Variants in ADGRG6 observed in about 807,000 individuals in gnomAD.
ADGRG6 encodes adhesion G protein-coupled receptor G6.
ADGRG6 carries 84 observed loss-of-function variants against 142.4 expected under a neutral mutation model. The ratio of observed to expected loss-of-function variants is 0.59; its 90% CI spans 0.49 to 0.71. ADGRG6 has a LOEUF of 0.71. ADGRG6 is among the 30% of genes least tolerant of loss of function. The pLI is 0.00. For synonymous variants in ADGRG6, 521 were observed against 520.5 expected (o/e 1.00, Z -0.01); for missense variants, 1,367 against 1,466.6 (o/e 0.93, Z 1.11).
At position 142,318,062 on chromosome 6, in the gene ADGRG6, TTA is replaced by T. The variant is rs1165015390; in HGVS notation, c.103+8426_103+8427del. 2.5e-3 allele frequency among the ~76,000 whole-genome samples: 117 copies of T among 47,488 alleles called. 3 individuals are homozygous for T. The highest frequency in any genetic ancestry group is 6.7e-3 in the East Asian group (6 of 900). 31.2% of individuals were successfully genotyped at this position (47,488 alleles called of 152,430 possible). A position where few individuals can be genotyped will look rare whatever the true frequency, so the allele number is the denominator to read the frequency against. ...TATATTTATGTTATATATATTTATATTATATATATTTATATATTATATATTTA... is the reference window on the plus strand; with the variant it reads ...TATATTTATGTTATATATATTTATATTATATATTTATATATTATATATTTA... On this transcript the variant is annotated intron_variant, in intron 2 of 24. Coordinates refer to ENST00000367609, the MANE Select transcript of ADGRG6 (RefSeq NM_198569.3).
chr6:142,354,826 A>G (rs1780365495), intron 2 of ADGRG6, among the ~76,000 whole-genome samples: 1 of 152,250 alleles, frequency 6.6e-6, no homozygotes, highest in African/African-American at 2.4e-5. Context: ...GCATAATGGA[A>G]CTAACAGTTC....
chr6:142,432,728 C>A (rs1777272217), intron 22 of ADGRG6, among the ~76,000 whole-genome samples: 1 of 152,198 alleles, frequency 6.6e-6, no homozygotes, highest in Non-Finnish European at 1.5e-5. Context: ...ACTTTATCCT[C>A]TCTGGCTGTG....
chr6:142,341,399 TATA>T (rs1779612244), intron 2 of ADGRG6, among the ~76,000 whole-genome samples: 1 of 123,668 alleles, frequency 8.1e-6, no homozygotes, highest in Non-Finnish European at 1.6e-5. Flanking sequence ...TATTATATTA[TATA>T]ATATATTATA....
intron 1 of ADGRG6, 108 bp downstream of exon 1, chr6:142,302,439 A>G: frequency 8.6e-7 from 1 of 1,166,784 alleles, no homozygotes; most frequent in Non-Finnish European, 1.2e-6. Context: ...TTTTATAAGG[A>G]CTTCAACTGC....
At chr6:142,351,316 T>A (rs1447300714) in intron 2 of ADGRG6, among the ~76,000 whole-genome samples, 1 of 152,106 alleles carries the variant, frequency 6.6e-6, no homozygotes, top group African/African-American at 2.4e-5. Flanking sequence ...ACTACAAGGC[T>A]ACAGTAACCA....
chr6:142,315,820 CAAATAAATAAATAAATAAATAAAT>C (rs10609669), intron 2 of ADGRG6, among the ~76,000 whole-genome samples: 2 of 139,132 alleles, frequency 1.4e-5, no homozygotes, highest in East Asian at 2.1e-4. Context: ...AACTACATCT[CAAATAAATAAATAAATAAATAAAT>C]AAATAAATAA....
intron 2 of ADGRG6, among the ~76,000 whole-genome samples, chr6:142,323,917 C>G (rs1488525995): frequency 1.3e-5 from 2 of 151,984 alleles, no homozygotes; most frequent in Non-Finnish European, 2.9e-5. Flanking sequence ...CATATTTTAT[C>G]TTTTATACCA....
intron 2 of ADGRG6, among the ~76,000 whole-genome samples, chr6:142,343,542 T>C (rs1234579603): frequency 6.6e-6 from 1 of 151,908 alleles, no homozygotes; most frequent in African/African-American, 2.4e-5. Context: ...GATACATCTT[T>C]TATTAAATCT....
intron 2 of ADGRG6, among the ~76,000 whole-genome samples, chr6:142,329,760 C>T (rs1778949296): frequency 6.6e-6 from 1 of 152,126 alleles, no homozygotes; most frequent in Admixed American, 6.6e-5. Context: ...TGTACAAATA[C>T]TTCAGTAGCT....
Position 142,391,434 on chromosome 6 carries a change from T to TACACACACACAC in ADGRG6, c.1308+1125_1308+1136dup, listed in dbSNP as rs35253608. The stretch of plus-strand genomic sequence containing the variant: ...TTACGCATTGAGAGGAAGTGGTAGC[T>TACACACACACAC]ACACACACACACACACACACACACA... On this transcript the variant is annotated intron_variant, in intron 7 of 24. Transcript: ENST00000367609. Among the ~76,000 whole-genome samples, 410 of 132,444 alleles carry TACACACACACAC rather than the reference T, an allele frequency of 3.1e-3. 3 individuals are homozygous for TACACACACACAC. Among genetic ancestry groups the TACACACACACAC allele is most frequent in the African/African-American group, 0.01 (385 of 36,856 alleles). The allele number at this position is 132,444 out of a possible 152,430, so 86.9% of individuals were successfully genotyped here. A position where few individuals can be genotyped will look rare whatever the true frequency, so the allele number is the denominator to read the frequency against.
intron 2 of ADGRG6, among the ~76,000 whole-genome samples, chr6:142,364,799 A>C (rs531089978): frequency 3.9e-5 from 6 of 152,276 alleles, no homozygotes; most frequent in African/African-American, 1.4e-4. Context: ...GCTTGAGCCC[A>C]GTAGTTTGAG....
At chr6:142,431,706 CGAGCTCAG>C (rs1453646456) in intron 22 of ADGRG6, among the ~76,000 whole-genome samples, 2 of 151,974 alleles carry the variant, frequency 1.3e-5, no homozygotes, top group Non-Finnish European at 2.9e-5. Context: ...GAGCAGATCA[CGAGCTCAG>C]GAGTTTGAGA....
chr6:142,318,142 A>C (rs866756891), intron 2 of ADGRG6, among the ~76,000 whole-genome samples: 1 of 28,290 alleles, frequency 3.5e-5, no homozygotes, highest in Non-Finnish European at 5.8e-5. Context: ...TATTTATATA[A>C]TATATATTAT....
At chr6:142,435,807 TGA>T (rs1252758836) in intron 22 of ADGRG6, among the ~76,000 whole-genome samples, 4 of 151,692 alleles carry the variant, frequency 2.6e-5, no homozygotes, top group African/African-American at 7.3e-5. Flanking sequence ...TGAAAGGGAG[TGA>T]CTAAAGGTTA....
intron 16 of ADGRG6, among the ~76,000 whole-genome samples, chr6:142,408,796 G>A (rs1775940730): frequency 6.6e-6 from 1 of 151,956 alleles, no homozygotes; most frequent in Non-Finnish European, 1.5e-5. Flanking sequence ...TGTCCCAGAT[G>A]GCCCAAGAAC....
intron 14 of ADGRG6, 116 bp downstream of exon 14, chr6:142,404,089 G>C: frequency 1.3e-6 from 1 of 765,848 alleles, no homozygotes; most frequent in Non-Finnish European, 2.2e-6. Context: ...GGCAAGGTCT[G>C]AATGTTGGCT....
intron 4 of ADGRG6, among the ~76,000 whole-genome samples, chr6:142,378,531 T>C (rs1460825820): frequency 1.3e-5 from 2 of 152,206 alleles, no homozygotes; most frequent in East Asian, 3.8e-4. Context: ...TGCAAGGGAA[T>C]AATGGGCAAA....
At chr6:142,321,056 T>C (rs1778489178) in intron 2 of ADGRG6, among the ~76,000 whole-genome samples, 1 of 151,642 alleles carries the variant, frequency 6.6e-6, no homozygotes, top group Non-Finnish European at 1.5e-5. Flanking sequence ...TTATGGAATA[T>C]TTACATTATG....
rs115180133 is a variant in ADGRG6 at position 142,333,933 on chromosome 6, A to T, written c.103+24289A>T. ...GTCTCTAATCCTATGGCTTGTCCAC[A>T]CTGTCATTGCTCTTAATTCAAATAT... is the stretch of plus-strand genomic sequence containing the variant. On this transcript the variant is annotated intron_variant, in intron 2 of 24. Transcript: ENST00000367609. 1.3e-3 allele frequency among the ~76,000 whole-genome samples: 204 copies of T among 152,284 alleles called. 2 individuals are homozygous for T. The highest frequency in any genetic ancestry group is 4.6e-3 in the African/African-American group (192 of 41,544).
Sources: gnomAD v4.1 joint callset for allele counts (sites outside exome capture counted in the v4.1 genomes callset) on GRCh38, gnomAD v4.1.1 for gene constraint, MANE v1.5 for transcripts, NCBI Gene and HGNC (gene_info 2026-07-23, HGNC 2026-07-21) for gene names.